CTNND2: variants seen among roughly 807,000 people sequenced by gnomAD.
The protein encoded by CTNND2 is catenin delta 2.
CTNND2 carries 22 observed loss-of-function variants against 144.4 expected under a neutral mutation model. That is an observed-to-expected ratio of 0.15 (90% CI 0.11 to 0.22). The LOEUF is 0.22. CTNND2 is among the 10% of genes least tolerant of loss of function. CTNND2 has a pLI of 1.00. For missense variants in CTNND2, 1,353 were observed against 1,618.8 expected (o/e 0.84, Z 2.82); for synonymous variants, 751 against 695.6 (o/e 1.08, Z -1.25).
chr5:11,078,563 C>G (rs1224338579), intron 16 of CTNND2, among the ~76,000 whole-genome samples: 1 of 152,094 alleles, frequency 6.6e-6, no homozygotes, highest in Non-Finnish European at 1.5e-5. Flanking sequence ...AGAAGAGATG[C>G]CTAGGAGCTG....
At chr5:11,879,387 A>ATATATG in intron 1 of CTNND2, among the ~76,000 whole-genome samples, 1 of 146,950 alleles carries the variant, frequency 6.8e-6, no homozygotes. Context: ...ACATATACAT[A>ATATATG]CATACACATA....
At chr5:11,274,451 CAGCAAAAATGTGAG>C (rs1393577470) in intron 9 of CTNND2, among the ~76,000 whole-genome samples, 2 of 151,898 alleles carry the variant, frequency 1.3e-5, no homozygotes, top group Non-Finnish European at 2.9e-5. Flanking sequence ...CAACCTGTCT[CAGCAAAAATGTGAG>C]ACAAGCCCAA....
chr5:11,214,478 T>C (rs1352208534), intron 10 of CTNND2, among the ~76,000 whole-genome samples: 2 of 152,206 alleles, frequency 1.3e-5, no homozygotes, highest in Admixed American at 1.3e-4. Context: ...AATAGACCGG[T>C]AGATGCTGAG....
chr5:11,108,549 A>G (rs920537791), intron 14 of CTNND2, among the ~76,000 whole-genome samples: 2 of 152,198 alleles, frequency 1.3e-5, no homozygotes, highest in Admixed American at 6.5e-5. Context: ...TACCAGATAA[A>G]AATAGTGGAT....
intron 12 of CTNND2, among the ~76,000 whole-genome samples, chr5:11,130,472 G>A (rs1181992694): frequency 6.6e-6 from 1 of 152,032 alleles, no homozygotes; most frequent in Non-Finnish European, 1.5e-5. Flanking sequence ...TACTACCTAG[G>A]GTTTTAGCTA....
intron 2 of CTNND2, among the ~76,000 whole-genome samples, chr5:11,628,587 C>A (rs996138903): frequency 1.3e-5 from 2 of 152,158 alleles, no homozygotes; most frequent in Admixed American, 1.3e-4. Context: ...GCTATAAGCA[C>A]CATGATCTAC....
intron 16 of CTNND2, among the ~76,000 whole-genome samples, chr5:11,048,609 C>T (rs908625256): frequency 3.3e-5 from 5 of 152,176 alleles, no homozygotes; most frequent in African/African-American, 1.2e-4. Context: ...CCCCACACTG[C>T]CCCTGTGTTG....
At chr5:11,103,753 G>T (rs568573963) in intron 14 of CTNND2, among the ~76,000 whole-genome samples, 1 of 151,934 alleles carries the variant, frequency 6.6e-6, no homozygotes, top group Admixed American at 6.6e-5. Context: ...TGTAAACATG[G>T]GGTTCTTTAA....
At chr5:11,374,774 A>G (rs1290306512) in intron 7 of CTNND2, among the ~76,000 whole-genome samples, 1 of 104,646 alleles carries the variant, frequency 9.6e-6, no homozygotes, top group Non-Finnish European at 1.9e-5. Flanking sequence ...CTCCCAATCT[A>G]CTTTTTTTTT....
At chr5:11,536,377 A>G (rs1430999119) in intron 3 of CTNND2, among the ~76,000 whole-genome samples, 1 of 152,150 alleles carries the variant, frequency 6.6e-6, no homozygotes, top group Non-Finnish European at 1.5e-5. Flanking sequence ...TTCCTAAGGT[A>G]TCTACCCAGA....
At chr5:11,245,268 G>A (rs933482938) in intron 9 of CTNND2, among the ~76,000 whole-genome samples, 4 of 152,204 alleles carry the variant, frequency 2.6e-5, no homozygotes, top group Non-Finnish European at 5.9e-5. Context: ...CACTGGGAAA[G>A]ACTGAAGAGT....
rs150119118 is a variant in CTNND2 at position 11,594,055 on chromosome 5, T to A, written c.175-28999A>T. On this transcript the variant is annotated intron_variant, in intron 2 of 21. Transcript: ENST00000304623. Reference sequence around the variant, plus strand: ...TAAACATACTCTGTTTCTCAGCAATTCTACTCGATAATGCCACAAACTAAA... The same window carrying A: ...TAAACATACTCTGTTTCTCAGCAATACTACTCGATAATGCCACAAACTAAA... Among the ~76,000 whole-genome samples the A allele has an allele frequency of 2.6e-5, 4 of 152,302 alleles. No individual in the cohort carries two copies. The East Asian group carries it at 7.7e-4, about 29-fold the overall frequency.
intron 15 of CTNND2, among the ~76,000 whole-genome samples, chr5:11,095,534 A>G (rs1229133102): frequency 2.0e-5 from 3 of 152,272 alleles, no homozygotes; most frequent in Admixed American, 6.5e-5. Context: ...AGTAATTGAG[A>G]AAAATAATCA....
chr5:11,777,923 G>A (rs895482171), intron 1 of CTNND2, among the ~76,000 whole-genome samples: 1 of 152,076 alleles, frequency 6.6e-6, no homozygotes, highest in African/African-American at 2.4e-5. Context: ...TTTGCACCTG[G>A]TATTTGGACC....
chr5:11,355,342 C>G (rs1755750461), intron 8 of CTNND2, among the ~76,000 whole-genome samples: 1 of 151,886 alleles, frequency 6.6e-6, no homozygotes, highest in African/African-American at 2.4e-5. Context: ...CCCAGGGATG[C>G]AAGAATTATT....
At chr5:11,109,225 A>C (rs1471801489) in intron 14 of CTNND2, among the ~76,000 whole-genome samples, 3 of 152,174 alleles carry the variant, frequency 2.0e-5, no homozygotes, top group African/African-American at 7.2e-5. Context: ...AGTGTCAAAC[A>C]CTTCTGCACA....
At chr5:11,021,072 T>C (rs1264867139) in intron 17 of CTNND2, among the ~76,000 whole-genome samples, 2 of 152,230 alleles carry the variant, frequency 1.3e-5, no homozygotes, top group Non-Finnish European at 2.9e-5. Flanking sequence ...AAGTGATTTG[T>C]AATATCATTT....
chr5:11,157,468 C>T (rs892613156), intron 12 of CTNND2, among the ~76,000 whole-genome samples: 1 of 152,172 alleles, frequency 6.6e-6, no homozygotes, highest in Admixed American at 6.5e-5. Context: ...TGCTGGGGCT[C>T]ACCGGCTGAG....
intron 1 of CTNND2, among the ~76,000 whole-genome samples, chr5:11,843,079 C>A (rs1176452940): frequency 6.6e-6 from 1 of 152,086 alleles, no homozygotes. Flanking sequence ...TCTTTCCCAA[C>A]AATGCCCAGA....
Sources: allele counts gnomAD v4.1 joint callset (sites outside exome capture counted in the v4.1 genomes callset), GRCh38; gene constraint gnomAD v4.1.1; transcripts MANE v1.5; gene names NCBI Gene and HGNC (gene_info 2026-07-23, HGNC 2026-07-21).